Variants in SLC10A7 observed in about 807,000 individuals in gnomAD.
The protein encoded by SLC10A7 is sodium/bile acid cotransporter 7.
SLC10A7 carries 29 observed loss-of-function variants against 43.2 expected under a neutral mutation model. That is an observed-to-expected ratio of 0.67 (90% confidence interval 0.50 to 0.92). The LOEUF is 0.92. Among genes scored for constraint, SLC10A7 ranks in the 40% least tolerant of loss-of-function variants. SLC10A7 has a pLI of 0.00. For missense variants in SLC10A7, 295 were observed against 403.2 expected (o/e 0.73, Z 2.30); for synonymous variants, 152 against 144.8 (o/e 1.05, Z -0.35).
chr4:146,256,752 C>A, intron 11 of SLC10A7: 1 of 1,219,088 alleles, frequency 8.2e-7, no homozygotes, highest in South Asian at 1.4e-5. Flanking sequence ...TCGTATGGTT[C>A]CCCTGTGCAC....
intron 4 of SLC10A7, among the ~76,000 whole-genome samples, chr4:146,459,557 A>G (rs1426506047): frequency 6.6e-6 from 1 of 151,592 alleles, no homozygotes; most frequent in Non-Finnish European, 1.5e-5. Flanking sequence ...AAGGTGCTAG[A>G]GTAATTCAAT....
intron 10 of SLC10A7, among the ~76,000 whole-genome samples, chr4:146,263,568 T>C (rs906415094): frequency 6.6e-6 from 1 of 152,224 alleles, no homozygotes; most frequent in African/African-American, 2.4e-5. Flanking sequence ...TAGGACTCTT[T>C]TCATCTTGCT....
At chr4:146,312,926 A>G (rs1395897157) in intron 6 of SLC10A7, among the ~76,000 whole-genome samples, 3 of 152,140 alleles carry the variant, frequency 2.0e-5, no homozygotes, top group Non-Finnish European at 4.4e-5. Context: ...TTGAGCTTCC[A>G]GGCCATGAAG....
chr4:146,398,214 T>C (rs3849035), intron 5 of SLC10A7, among the ~76,000 whole-genome samples: 35,967 of 152,124 alleles, frequency 0.24, 4,663 homozygotes, highest in African/African-American at 0.34. Context: ...TATCCTACAA[T>C]TTGACATTTA....
At chr4:146,499,840 T>C (rs72731814) in intron 4 of SLC10A7, among the ~76,000 whole-genome samples, 7,112 of 152,282 alleles carry the variant, frequency 0.047, 192 homozygotes, top group Middle Eastern at 0.065. Context: ...ATAAACAATT[T>C]ATCTATTGAG....
intron 5 of SLC10A7, among the ~76,000 whole-genome samples, chr4:146,420,743 AG>A (rs1728904424): frequency 6.6e-6 from 1 of 152,108 alleles, no homozygotes; most frequent in African/African-American, 2.4e-5. Flanking sequence ...AAGTTTCAAC[AG>A]CTGGGCACGG....
rs568319052 is a variant in SLC10A7, at chr4:146,424,325, T to C, written c.435+18458A>G. 1.1e-4 allele frequency among the ~76,000 whole-genome samples: 16 copies of C among 152,308 alleles called. 1 individual carries two copies. In the South Asian group the frequency reaches 3.3e-3, roughly 32 times the overall value. ...CCTCAACCTCCCAAAATGCTGGGAT[T>C]ACAAATGTGAGCCACCATTCTTGTC... is the stretch of plus-strand genomic sequence containing the variant. On this transcript the variant is annotated intron_variant, in intron 5 of 11. Coordinates refer to ENST00000335472, the MANE Select transcript of SLC10A7 (RefSeq NM_001029998.6).
At position 146,281,396 on chromosome 4, in the gene SLC10A7, CA is replaced by C. The variant is rs774519759; in HGVS notation, c.847+1795del. Among the ~76,000 whole-genome samples, 420 of 74,584 alleles carry C rather than the reference CA, an allele frequency of 5.6e-3. 2 individuals are homozygous for C. Among genetic ancestry groups the C allele is most frequent in the Non-Finnish European group, 7.8e-3 (258 of 33,170 alleles). 48.9% of individuals were successfully genotyped at this position (74,584 alleles called of 152,430 possible). A position where few individuals can be genotyped will look rare whatever the true frequency, so the allele number is the denominator to read the frequency against. ...AGTATCCCAGAACTTGAAGTAAAATCAAAAAAAAAAAAGAAAAATAAGAACA... is the reference window on the plus strand; with the variant it reads ...AGTATCCCAGAACTTGAAGTAAAATCAAAAAAAAAAAGAAAAATAAGAACA... On this transcript the variant is annotated intron_variant, in intron 10 of 11. Transcript: ENST00000335472.
At chr4:146,476,861 G>GTT (rs536702518) in intron 4 of SLC10A7, among the ~76,000 whole-genome samples, 141 of 152,084 alleles carry the variant, frequency 9.3e-4, no homozygotes, top group African/African-American at 3.3e-3. Flanking sequence ...TGTTCACAGT[G>GTT]GGGGAAGCCA....
intron 2 of SLC10A7, among the ~76,000 whole-genome samples, chr4:146,513,710 CACAAAA>C (rs1737688232): frequency 6.6e-6 from 1 of 152,166 alleles, no homozygotes; most frequent in Admixed American, 6.5e-5. Flanking sequence ...TCAAGACTTT[CACAAAA>C]TCCCAGCATC....
At chr4:146,513,860 CAT>C (rs1320045553) in intron 2 of SLC10A7, 2 of 152,328 alleles carry the variant, frequency 1.3e-5, no homozygotes, top group South Asian at 2.1e-4. Flanking sequence ...TTTTGAGCCA[CAT>C]AGTCAAATAA....
intron 4 of SLC10A7, among the ~76,000 whole-genome samples, chr4:146,489,018 T>G (rs1470841174): frequency 6.6e-6 from 1 of 152,184 alleles, no homozygotes; most frequent in Non-Finnish European, 1.5e-5. Context: ...ACACATTCCC[T>G]GCCATCTAAT....
At chr4:146,277,232 A>T (rs1729266525) in intron 10 of SLC10A7, among the ~76,000 whole-genome samples, 1 of 152,164 alleles carries the variant, frequency 6.6e-6, no homozygotes, top group East Asian at 1.9e-4. Context: ...ATTAAGATGA[A>T]TGATACTTGA....
intron 4 of SLC10A7, among the ~76,000 whole-genome samples, chr4:146,483,291 G>C (rs1327977833): frequency 6.6e-6 from 1 of 152,038 alleles, no homozygotes; most frequent in Non-Finnish European, 1.5e-5. Flanking sequence ...ACATTGTTAA[G>C]GAATACACAA....
intron 6 of SLC10A7, among the ~76,000 whole-genome samples, chr4:146,313,873 T>C (rs1450240460): frequency 6.6e-6 from 1 of 152,210 alleles, no homozygotes; most frequent in Admixed American, 6.5e-5. Flanking sequence ...TTCTTGATTC[T>C]TGTTTGCCCA....
intron 1 of SLC10A7, among the ~76,000 whole-genome samples, chr4:146,519,065 CCATATATATATA>C (rs1738304045): frequency 1.7e-5 from 1 of 57,316 alleles, no homozygotes; most frequent in African/African-American, 7.6e-5. Flanking sequence ...GGAAAAATCA[CCATATATATATA>C]TATATATATA....
intron 5 of SLC10A7, among the ~76,000 whole-genome samples, chr4:146,401,258 C>A (rs991985173): frequency 5.3e-5 from 8 of 152,144 alleles, no homozygotes. Context: ...CCTTAGTAAC[C>A]CTTAGTGCTT....
chr4:146,370,792 G>C lies in SLC10A7; in HGVS notation c.436-44796C>G, dbSNP rs528285482. 2.6e-5 allele frequency among the ~76,000 whole-genome samples: 4 copies of C among 152,244 alleles called. No individual in the cohort carries two copies. The East Asian group carries it at 7.7e-4, about 29-fold the overall frequency. ...GTTTCCGAAATGTCTACTCCAAAAA[G>C]AGAAATCATAAGGCAAATAAAGTCA... On this transcript the variant is annotated intron_variant, in intron 5 of 11. Transcript: ENST00000335472.
chr4:146,309,862 T>G (rs1731839179), intron 6 of SLC10A7, among the ~76,000 whole-genome samples: 1 of 152,172 alleles, frequency 6.6e-6, no homozygotes, highest in Non-Finnish European at 1.5e-5. Context: ...CGTGCAAGTT[T>G]GTTACATGGG....
Sources: gnomAD v4.1 joint callset for allele counts (sites outside exome capture counted in the v4.1 genomes callset) on GRCh38, gnomAD v4.1.1 for gene constraint, MANE v1.5 for transcripts, NCBI Gene and HGNC (gene_info 2026-07-23, HGNC 2026-07-21) for gene names.